RCL1: variants seen among roughly 807,000 people sequenced by gnomAD.
RCL1 encodes the protein RNA terminal phosphate cyclase like 1.
A neutral mutation model predicts 42.4 loss-of-function variants in RCL1; 24 were observed. The ratio of observed to expected loss-of-function variants is 0.57; its 90% CI spans 0.41 to 0.80. The LOEUF is 0.80. RCL1 is among the 30% of genes least tolerant of loss of function. RCL1 has a pLI of 0.00. For synonymous variants in RCL1, 228 were observed against 177.3 expected, an observed-to-expected ratio of 1.29 and a Z score of -2.27; for missense variants, 578 against 467.9, an observed-to-expected ratio of 1.24 and a Z score of -2.17.
At chr9:4,831,929 G>T (rs1695566019) in intron 3 of RCL1, among the ~76,000 whole-genome samples, 1 of 152,206 alleles carries the variant, frequency 6.6e-6, no homozygotes, top group African/African-American at 2.4e-5. Context: ...TTTCTTGTCT[G>T]AGGCAACATA....
chr9:4,804,383 G>C (rs950552312), intron 1 of RCL1: 2 of 152,440 alleles, frequency 1.3e-5, no homozygotes, highest in Non-Finnish European at 2.9e-5. Context: ...CTGCTGAGTG[G>C]GTGCCGGCAC....
chr9:4,834,390 C>A, intron 5 of RCL1, 125 bp downstream of exon 5: 1 of 1,133,736 alleles, frequency 8.8e-7, no homozygotes, highest in Non-Finnish European at 1.2e-6. Context: ...TTTGAAAAGT[C>A]TTAACAGTGA....
At chr9:4,817,196 G>A (rs536493501) in intron 1 of RCL1, among the ~76,000 whole-genome samples, 2 of 151,896 alleles carry the variant, frequency 1.3e-5, no homozygotes, top group Non-Finnish European at 2.9e-5. Context: ...TTTATTATTT[G>A]AAAAAAATTC....
intron 1 of RCL1, among the ~76,000 whole-genome samples, chr9:4,816,921 A>G (rs950952325): frequency 6.6e-6 from 1 of 152,126 alleles, no homozygotes; most frequent in Non-Finnish European, 1.5e-5. Context: ...GGTTCACGCC[A>G]TTCTCCTGCC....
At chr9:4,849,886 T>G (rs1408446753) in intron 8 of RCL1, among the ~76,000 whole-genome samples, 1 of 152,212 alleles carries the variant, frequency 6.6e-6, no homozygotes, top group Admixed American at 6.5e-5. Context: ...TTAATCATTC[T>G]TTTCCTTAGC....
chr9:4,830,321 G>C (rs1057136999), intron 3 of RCL1, among the ~76,000 whole-genome samples: 5 of 152,168 alleles, frequency 3.3e-5, no homozygotes, highest in African/African-American at 1.2e-4. Flanking sequence ...GGGGAAACTT[G>C]AGCTTGCTTG....
intron 1 of RCL1, among the ~76,000 whole-genome samples, chr9:4,794,571 T>C (rs559029351): frequency 5.3e-4 from 80 of 152,236 alleles, no homozygotes; most frequent in African/African-American, 1.8e-3. Context: ...TCAGGTTAGC[T>C]CAGAGAACTT....
intron 1 of RCL1, among the ~76,000 whole-genome samples, chr9:4,799,742 T>C (rs1842968096): frequency 6.6e-6 from 1 of 152,226 alleles, no homozygotes; most frequent in Non-Finnish European, 1.5e-5. Flanking sequence ...TGAAGGGCCT[T>C]GAATGAGTCC....
chr9:4,833,186 G>A lies in RCL1; in HGVS notation c.417G>A (p.Leu139=). The change falls in exon 4 of 9, where the codon TTG becomes TTA. Residue 139 remains leucine (L), a synonymous_variant. Coordinates refer to ENST00000381750, the MANE Select transcript of RCL1 (RefSeq NM_005772.5). The part of the protein sequence containing the change: ...VDVLKATALP[L]LKQFGIDGES... ...TTCTTAAGGCAACAGCACTCCCTTTGTTGAAACAATTTGGGATTGATGGTG... is the reference window on the plus strand; with the variant it reads ...TTCTTAAGGCAACAGCACTCCCTTTATTGAAACAATTTGGGATTGATGGTG... 6.2e-7 allele frequency: 1 copy of A among 1,613,492 alleles called. No homozygotes were observed. Among genetic ancestry groups the A allele is most frequent in the Non-Finnish European group, 8.5e-7 (1 of 1,179,410 alleles).
intron 1 of RCL1, among the ~76,000 whole-genome samples, chr9:4,811,279 CAA>C (rs748154842): frequency 2.7e-4 from 18 of 65,806 alleles, no homozygotes; most frequent in Non-Finnish European, 2.9e-4. Flanking sequence ...TGTATCTTTG[CAA>C]AAAAAAAAAA....
intron 7 of RCL1, among the ~76,000 whole-genome samples, chr9:4,846,372 G>A (rs967333397): frequency 2.0e-5 from 3 of 152,246 alleles, no homozygotes; most frequent in African/African-American, 7.2e-5. Flanking sequence ...TCTTCCTGAA[G>A]GAGGAGGTAT....
At chr9:4,854,922 A>G (rs1488841120) in intron 8 of RCL1, among the ~76,000 whole-genome samples, 1 of 152,140 alleles carries the variant, frequency 6.6e-6, no homozygotes, top group East Asian at 1.9e-4. Context: ...GCGTGGTGGC[A>G]CATGTCTCTA....
intron 1 of RCL1, among the ~76,000 whole-genome samples, chr9:4,809,306 T>G (rs1816086565): frequency 6.7e-6 from 1 of 149,542 alleles, no homozygotes; most frequent in African/African-American, 2.5e-5. Context: ...TAGAGACTCC[T>G]TTTTTTTTTC....
intron 6 of RCL1, among the ~76,000 whole-genome samples, chr9:4,844,213 G>A (rs1416349187): frequency 6.6e-6 from 1 of 152,172 alleles, no homozygotes; most frequent in African/African-American, 2.4e-5. Flanking sequence ...CTGTGTTGTG[G>A]TTGCATACGG....
chr9:4,841,504 C>T, intron 6 of RCL1, 147 bp downstream of exon 6: 1 of 676,266 alleles, frequency 1.5e-6, no homozygotes, highest in Non-Finnish European at 2.5e-6. Flanking sequence ...GCCGTTGTCA[C>T]CAACAGGCAT....
At chr9:4,797,633 A>G (rs761634919) in intron 1 of RCL1, among the ~76,000 whole-genome samples, 6 of 152,238 alleles carry the variant, frequency 3.9e-5, no homozygotes, top group Non-Finnish European at 7.3e-5. Context: ...TATCCATTCA[A>G]AATGTCAGTA....
intron 1 of RCL1, among the ~76,000 whole-genome samples, chr9:4,806,136 A>G (rs767277349): frequency 2.1e-5 from 3 of 145,998 alleles, no homozygotes; most frequent in Non-Finnish European, 3.0e-5. Flanking sequence ...TTCCCTTGTC[A>G]TTTCCTTGGA....
At chr9:4,818,665 G>A (rs549364266) in intron 1 of RCL1, among the ~76,000 whole-genome samples, 160 of 152,072 alleles carry the variant, frequency 1.1e-3, no homozygotes, top group Non-Finnish European at 1.7e-3. Context: ...GGCGGATCAC[G>A]AGGTCAGGAG....
intron 5 of RCL1, among the ~76,000 whole-genome samples, chr9:4,840,608 C>T (rs2129662285): frequency 6.6e-6 from 1 of 152,244 alleles, no homozygotes. Flanking sequence ...TGTGAGGAGG[C>T]TGTGTTATCC....
Sources: allele counts gnomAD v4.1 joint callset (sites outside exome capture counted in the v4.1 genomes callset), GRCh38; gene constraint gnomAD v4.1.1; transcripts MANE v1.5; gene names NCBI Gene and HGNC (gene_info 2026-07-23, HGNC 2026-07-21).